Variants in UNC13C observed in about 807,000 individuals in gnomAD.
UNC13C encodes the protein unc-13 homolog C.
A neutral mutation model predicts 245.4 loss-of-function variants in UNC13C; 174 were observed. The ratio of observed to expected loss-of-function variants is 0.71; its 90% CI spans 0.63 to 0.80. The LOEUF is 0.80. Ranked by LOEUF, UNC13C falls within the 30% of genes least tolerant of loss-of-function variation. The probability of loss-of-function intolerance (pLI) is 0.00; values close to 1 mark genes in which losing one functional copy is unlikely to be tolerated. For missense variants in UNC13C, 2,829 were observed against 2,602.9 expected (o/e 1.09, Z -1.89); for synonymous variants, 992 against 895.1 (o/e 1.11, Z -1.93).
In UNC13C at chr15:54,334,205, C is replaced by A. The variant is rs1311760601; in HGVS notation, c.4584+349C>A. Reference sequence around the variant, plus strand: ...TTTTAGTTTTAACTTAGATGTTTTGCCGACTTTTTTGCTACAAGAAAGTAG... The same window carrying A: ...TTTTAGTTTTAACTTAGATGTTTTGACGACTTTTTTGCTACAAGAAAGTAG... On this transcript the variant is annotated intron_variant, in intron 16 of 32. Coordinates refer to ENST00000260323, the MANE Select transcript of UNC13C (RefSeq NM_001080534.3). 2.0e-5 allele frequency among the ~76,000 whole-genome samples: 3 copies of A among 152,040 alleles called. No homozygotes were observed. In the East Asian group the frequency reaches 5.8e-4, roughly 29 times the overall value.
intron 31 of UNC13C, among the ~76,000 whole-genome samples, 182 bp from the exon 32 acceptor site, chr15:54,623,613 T>C (rs990672399): frequency 3.9e-5 from 6 of 152,202 alleles, no homozygotes; most frequent in African/African-American, 1.4e-4. Context: ...AGCTTAAAGC[T>C]GAAAGCTCCA....
At chr15:54,602,802 T>G (rs1899512984) in intron 30 of UNC13C, among the ~76,000 whole-genome samples, 1 of 152,264 alleles carries the variant, frequency 6.6e-6, no homozygotes, top group South Asian at 2.1e-4. Context: ...CTTGATAGTT[T>G]TTCATGCCCA....
At chr15:54,146,385 T>A (rs1296338846) in intron 4 of UNC13C, among the ~76,000 whole-genome samples, 4 of 152,148 alleles carry the variant, frequency 2.6e-5, no homozygotes, top group African/African-American at 9.7e-5. Context: ...GACAGCATAA[T>A]CTCTACACAC....
chr15:54,040,339 A>C (rs1299238443), intron 2 of UNC13C, among the ~76,000 whole-genome samples: 2 of 152,162 alleles, frequency 1.3e-5, no homozygotes, highest in African/African-American at 4.8e-5. Flanking sequence ...ATCCCACTTA[A>C]GAACCCTGAC....
intron 4 of UNC13C, among the ~76,000 whole-genome samples, chr15:54,174,549 T>G (rs1297074231): frequency 6.6e-6 from 1 of 152,196 alleles, no homozygotes; most frequent in Non-Finnish European, 1.5e-5. Context: ...TAACTTAATG[T>G]AGCATCAAGA....
intron 19 of UNC13C, among the ~76,000 whole-genome samples, chr15:54,432,869 G>C (rs1421272561): frequency 6.6e-6 from 1 of 151,904 alleles, no homozygotes; most frequent in Non-Finnish European, 1.5e-5. Context: ...AAGAAGAAAA[G>C]AGAGAAGAAT....
chr15:53,904,629 A>G, the UNC13C span, among the ~76,000 whole-genome samples: 24 of 152,244 alleles, frequency 1.6e-4, no homozygotes, highest in South Asian at 8.3e-4. Context: ...GATATTCTGA[A>G]CCTTATAGGA....
the UNC13C span, among the ~76,000 whole-genome samples, chr15:53,875,077 G>A: frequency 6.6e-6 from 1 of 150,912 alleles, no homozygotes; most frequent in Non-Finnish European, 1.5e-5. Context: ...TGGTGACAGA[G>A]TGAGACTCCG....
rs572700039 is a variant in UNC13C, at chr15:54,078,375, A to C, written c.2983+62489A>C. Among the ~76,000 whole-genome samples, 3 of 152,284 alleles carry C rather than the reference A, an allele frequency of 2.0e-5. No homozygotes were observed. The East Asian group carries it at 5.8e-4, about 29-fold the overall frequency. On this transcript the variant is annotated intron_variant, in intron 2 of 32. Transcript: ENST00000260323. ...ACCTAGCATTAGGATTGTTTAATCG[A>C]ATTTTAGTTCCACTTTTAGTTATTT...
chr15:54,417,730 G>A (rs1040825549), intron 19 of UNC13C, among the ~76,000 whole-genome samples: 1 of 152,118 alleles, frequency 6.6e-6, no homozygotes, highest in Non-Finnish European at 1.5e-5. Context: ...TTAACCATGT[G>A]TCAGTCCTTA....
At chr15:54,449,308 T>C (rs1891022962) in intron 19 of UNC13C, among the ~76,000 whole-genome samples, 2 of 152,178 alleles carry the variant, frequency 1.3e-5, no homozygotes, top group Admixed American at 6.5e-5. Flanking sequence ...CTTCCTGAAT[T>C]TGAATGTTGG....
Position 54,605,437 on chromosome 15 carries a change from C to T in UNC13C, c.6107-16890C>T, listed in dbSNP as rs542247222. On this transcript the variant is annotated intron_variant, in intron 30 of 32. Transcript: ENST00000260323. Reference sequence around the variant, plus strand: ...TTATCCTTCCACAAGCTTAGAAGCTCTCAAAAATACTCTTTTGTCTTGCTT... The same window carrying T: ...TTATCCTTCCACAAGCTTAGAAGCTTTCAAAAATACTCTTTTGTCTTGCTT... Among the ~76,000 whole-genome samples, 13 of 152,294 alleles carry T rather than the reference C, an allele frequency of 8.5e-5. No individual in the cohort carries two copies. The South Asian group carries it at 2.7e-3, about 32-fold the overall frequency.
intron 2 of UNC13C, among the ~76,000 whole-genome samples, chr15:54,077,887 A>G (rs942757490): frequency 7.2e-5 from 11 of 152,148 alleles, no homozygotes; most frequent in African/African-American, 2.7e-4. Flanking sequence ...ATATTGCAAA[A>G]TGCTGGGGTT....
At chr15:54,567,745 T>G in intron 29 of UNC13C, 55 bp from the exon 30 acceptor site, 4 of 1,459,642 alleles carry the variant, frequency 2.7e-6, no homozygotes, top group Non-Finnish European at 3.7e-6. Flanking sequence ...AGTAATAAAT[T>G]CTGTCTTCCA....
chr15:53,935,753 G>A, the UNC13C span, among the ~76,000 whole-genome samples: 1 of 152,154 alleles, frequency 6.6e-6, no homozygotes, highest in African/African-American at 2.4e-5. Context: ...GATAGGTGGT[G>A]AGTGTTATGT....
At chr15:54,035,348 A>G (rs1222823577) in intron 2 of UNC13C, among the ~76,000 whole-genome samples, 2 of 151,614 alleles carry the variant, frequency 1.3e-5, no homozygotes, top group African/African-American at 4.9e-5. Flanking sequence ...ATATCTTCCT[A>G]TGTTTTTATT....
At chr15:54,200,891 T>C (rs775006197) in intron 4 of UNC13C, among the ~76,000 whole-genome samples, 16 of 152,024 alleles carry the variant, frequency 1.1e-4, no homozygotes, top group Non-Finnish European at 2.2e-4. Context: ...AAAAGTTTGT[T>C]CTTTGAAAAG....
chr15:54,142,682 G>A (rs1259599884), intron 2 of UNC13C, among the ~76,000 whole-genome samples: 1 of 152,150 alleles, frequency 6.6e-6, no homozygotes, highest in East Asian at 1.9e-4. Flanking sequence ...CAAAGAGTTT[G>A]GTAGCTTATC....
At chr15:54,588,367 T>G (rs1898596895) in intron 30 of UNC13C, among the ~76,000 whole-genome samples, 1 of 152,256 alleles carries the variant, frequency 6.6e-6, no homozygotes, top group Non-Finnish European at 1.5e-5. Flanking sequence ...TTAACTTATC[T>G]ATGTCTCATT....
Sources: allele counts gnomAD v4.1 joint callset (sites outside exome capture counted in the v4.1 genomes callset), GRCh38; gene constraint gnomAD v4.1.1; transcripts MANE v1.5; gene names NCBI Gene and HGNC (gene_info 2026-07-23, HGNC 2026-07-21).